The following SCN8A variants were observed in gnomAD, a reference collection of about 807,000 sequenced individuals.
The protein encoded by SCN8A is sodium voltage-gated channel alpha subunit 8, also known as sodium channel protein type 8 subunit alpha.
In SCN8A, 30 loss-of-function variants were observed where a neutral mutation model predicts 184.1. The ratio of observed to expected loss-of-function variants is 0.16; its 90% CI spans 0.12 to 0.22. The LOEUF is 0.22. SCN8A is among the 10% of genes least tolerant of loss of function. The probability of loss-of-function intolerance (pLI) is 1.00; values close to 1 mark genes in which losing one functional copy is unlikely to be tolerated. For synonymous variants in SCN8A, 852 were observed against 907.0 expected, an observed-to-expected ratio of 0.94 and a Z score of 1.09; for missense variants, 1,057 against 2,498.9, an observed-to-expected ratio of 0.42 and a Z score of 12.30.
chr12:51,671,325 C>T (rs182189551), intron 2 of SCN8A, among the ~76,000 whole-genome samples: 40 of 152,200 alleles, frequency 2.6e-4, no homozygotes, highest in African/African-American at 9.4e-4. Context: ...ACCTGTGTTC[C>T]CAATAATGTT....
At chr12:51,797,065 A>G (rs946602369) in intron 26 of SCN8A, among the ~76,000 whole-genome samples, 2 of 152,204 alleles carry the variant, frequency 1.3e-5, no homozygotes, top group African/African-American at 4.8e-5. Flanking sequence ...CAGAAACGAT[A>G]CTTTGCATCC....
intron 1 of SCN8A, among the ~76,000 whole-genome samples, chr12:51,636,325 T>C (rs1565868069): frequency 6.6e-6 from 1 of 152,182 alleles, no homozygotes; most frequent in African/African-American, 2.4e-5. Context: ...ATACAATCTT[T>C]ATAGAATGCC....
At chr12:51,798,250 C>A (rs903610818) in intron 26 of SCN8A, among the ~76,000 whole-genome samples, 1 of 152,182 alleles carries the variant, frequency 6.6e-6, no homozygotes, top group Admixed American at 6.5e-5. Flanking sequence ...TGCCGCACTT[C>A]TTAGCTGTAA....
At chr12:51,782,536 G>T (rs1370486124) in intron 21 of SCN8A, among the ~76,000 whole-genome samples, 1 of 152,138 alleles carries the variant, frequency 6.6e-6, no homozygotes, top group Non-Finnish European at 1.5e-5. Context: ...GAGCTCCTCC[G>T]CATCCCCTTA....
intron 1 of SCN8A, among the ~76,000 whole-genome samples, chr12:51,636,172 A>G (rs1057255481): frequency 1.3e-5 from 2 of 151,884 alleles, no homozygotes; most frequent in African/African-American, 4.8e-5. Flanking sequence ...TTTTTTTTCT[A>G]TTTTTAGTAG....
At chr12:51,721,154 TATG>T (rs1942053499) in intron 11 of SCN8A, among the ~76,000 whole-genome samples, 1 of 143,168 alleles carries the variant, frequency 7.0e-6, no homozygotes, top group African/African-American at 2.6e-5. Flanking sequence ...TTGTTATATA[TATG>T]ATAATAAATA....
chr12:51,732,028 C>T (rs1375800733), intron 12 of SCN8A, among the ~76,000 whole-genome samples: 2 of 152,086 alleles, frequency 1.3e-5, no homozygotes, highest in African/African-American at 2.4e-5. Context: ...GTTGTCTGTT[C>T]ACTTTGTTGA....
intron 26 of SCN8A, among the ~76,000 whole-genome samples, chr12:51,800,129 A>G (rs1429193008): frequency 1.3e-5 from 2 of 152,258 alleles, no homozygotes; most frequent in Non-Finnish European, 2.9e-5. Flanking sequence ...TAGGACAGTA[A>G]AGATATATTG....
chr12:51,759,444 C>T (rs1457724191), intron 14 of SCN8A, among the ~76,000 whole-genome samples: 16 of 152,230 alleles, frequency 1.1e-4, no homozygotes, highest in Admixed American at 1.0e-3. Context: ...GGATGATTCA[C>T]ATCCTGGGAG....
At chr12:51,740,509 T>TA (rs920514663) in intron 12 of SCN8A, among the ~76,000 whole-genome samples, 3 of 152,182 alleles carry the variant, frequency 2.0e-5, no homozygotes, top group Non-Finnish European at 4.4e-5. Context: ...GATATTGTGG[T>TA]AAAAAATGCT....
At chr12:51,720,895 G>A (rs1942042197) in intron 11 of SCN8A, among the ~76,000 whole-genome samples, 1 of 151,404 alleles carries the variant, frequency 6.6e-6, no homozygotes, top group South Asian at 2.1e-4. Flanking sequence ...GCGAAACCCT[G>A]TCTGTACTAA....
intron 1 of SCN8A, among the ~76,000 whole-genome samples, chr12:51,608,418 T>C (rs2138572567): frequency 6.6e-6 from 1 of 152,268 alleles, no homozygotes; most frequent in East Asian, 1.9e-4. Context: ...GTCTTGCTGC[T>C]TGTTATTGGT....
intron 1 of SCN8A, among the ~76,000 whole-genome samples, chr12:51,645,386 C>T (rs1198480703): frequency 6.6e-6 from 1 of 151,882 alleles, no homozygotes. Flanking sequence ...TGAGGGGCGC[C>T]TCTGCCCGGC....
intron 19 of SCN8A, among the ~76,000 whole-genome samples, chr12:51,773,871 G>C (rs939370948): frequency 2.0e-5 from 3 of 151,658 alleles, no homozygotes; most frequent in African/African-American, 7.3e-5. Context: ...GGGGTTGGGG[G>C]TTTAGGGGGT....
In SCN8A at chr12:51,711,168, A is replaced by G. The variant is rs147877036; in HGVS notation, c.1635+4453A>G. Among the ~76,000 whole-genome samples, 1,203 of 152,360 alleles carry G rather than the reference A, an allele frequency of 7.9e-3. 12 individuals carry two copies. Among genetic ancestry groups the G allele is most frequent in the Non-Finnish European group, 0.01 (713 of 68,032 alleles). ...CTTGTCTTGAGAGACTCACTGAGCTATGAATACCTTAGCGCTGTTAACGCT... is the reference window on the plus strand; with the variant it reads ...CTTGTCTTGAGAGACTCACTGAGCTGTGAATACCTTAGCGCTGTTAACGCT... On this transcript the variant is annotated intron_variant, in intron 11 of 26. Transcript: ENST00000627620.
chr12:51,732,183 T>G (rs548421544), intron 12 of SCN8A, among the ~76,000 whole-genome samples: 1 of 152,196 alleles, frequency 6.6e-6, no homozygotes, highest in Non-Finnish European at 1.5e-5. Context: ...TGTTGTCTTA[T>G]AGTAGTTTCA....
At chr12:51,742,295 C>G (rs1942439566) in intron 12 of SCN8A, among the ~76,000 whole-genome samples, 1 of 152,114 alleles carries the variant, frequency 6.6e-6, no homozygotes, top group Non-Finnish European at 1.5e-5. Context: ...AGTTTTGTAT[C>G]TTCAGATGAT....
intron 24 of SCN8A, among the ~76,000 whole-genome samples, chr12:51,790,029 C>T (rs1279446882): frequency 6.6e-6 from 1 of 152,226 alleles, no homozygotes; most frequent in Non-Finnish European, 1.5e-5. Flanking sequence ...ACACAAAGAT[C>T]TTTTTATTCT....
At chr12:51,615,789 C>T (rs1939823650) in intron 1 of SCN8A, among the ~76,000 whole-genome samples, 1 of 152,178 alleles carries the variant, frequency 6.6e-6, no homozygotes, top group Non-Finnish European at 1.5e-5. Context: ...ACAATCGTAG[C>T]TCACTGCAGC....
Sources: gnomAD v4.1 joint callset for allele counts (sites outside exome capture counted in the v4.1 genomes callset) on GRCh38, gnomAD v4.1.1 for gene constraint, MANE v1.5 for transcripts, NCBI Gene and HGNC (gene_info 2026-07-23, HGNC 2026-07-21) for gene names.